RRP8: variants seen among roughly 807,000 people sequenced by gnomAD.
The protein encoded by RRP8 is ribosomal RNA-processing protein 8.
A neutral mutation model predicts 45.0 loss-of-function variants in RRP8; 48 were observed. The ratio of observed to expected loss-of-function variants is 1.07; its 90% CI spans 0.85 to 1.36. The LOEUF (loss-of-function observed/expected upper bound fraction) is 1.36. Ranked by LOEUF, RRP8 falls within the 40% of genes most tolerant of loss-of-function variation. The pLI is 0.00. For synonymous variants in RRP8, 274 were observed against 212.4 expected, an observed-to-expected ratio of 1.29 and a Z score of -2.52; for missense variants, 658 against 573.7, an observed-to-expected ratio of 1.15 and a Z score of -1.50.
rs1019557597 is a variant in RRP8 at position 6,596,653 on chromosome 11, T to G, written c.*3493A>C. 2.0e-5 allele frequency: 3 copies of G among 152,212 alleles called. No homozygotes were observed. The highest frequency in any genetic ancestry group is 4.4e-5 in the Non-Finnish European group (3 of 68,042). 9.4% of individuals were successfully genotyped at this position (152,212 alleles called of 1,614,324 possible). On this transcript the variant is annotated 3_prime_UTR_variant, in exon 7 of 7. Coordinates refer to ENST00000254605, the MANE Select transcript of RRP8 (RefSeq NM_015324.4). ...CAGAGAATTCACCTGGGAAGGAGGA[T>G]GACCAGGGGATGAAAGGTTCTAATT...
In RRP8 at chr11:6,601,862, A is replaced by G. The variant is rs1854386177; in HGVS notation, c.453T>C (p.Val151=). ...PINSAQHLDN[V]DQTGPKAWKG... ...CACATCCAATGGTACCTGTTTGGTC[A>G]ACATTGTCCAGGTGCTGGGCTGAAT... Residue 151 remains valine, a synonymous_variant, in exon 2 of 7, where the codon GTT becomes GTC. Coordinates refer to ENST00000254605, the MANE Select transcript of RRP8 (RefSeq NM_015324.4). 1.2e-6 allele frequency: 2 copies of G among 1,610,892 alleles called. No individual in the cohort carries two copies. The highest frequency in any genetic ancestry group is 1.7e-6 in the Non-Finnish European group (2 of 1,178,258).
chr11:6,600,937 C>T lies in RRP8; in HGVS notation c.1036G>A (p.Asp346Asn). The T allele has an allele frequency of 6.2e-7, 1 of 1,614,142 alleles. No homozygotes were observed. The highest frequency in any genetic ancestry group is 1.3e-5 in the African/African-American group (1 of 75,046). Residue 346 changes from aspartate to asparagine, a missense_variant, in exon 4 of 7, where the codon GAC (aspartate) becomes AAC (asparagine). By Grantham distance (23) the Asp-to-Asn change is conservative. Transcript: ENST00000254605. ...ASLDPRVTVC[D>N]MAQVPLEDES... is the part of the protein sequence containing the mutation. ...ACATAGGGGTTTACCTGGGCCATGT[C>T]ACACACAGTGACCCTAGGGTCCAGA...
chr11:6,601,174 G>A lies in RRP8; in HGVS notation c.892C>T (p.Arg298Cys), dbSNP rs557521273. ...VKKWPLQPVDRIARDLRQRPA... is the reference protein window; with the variant it reads ...VKKWPLQPVDCIARDLRQRPA... ...CGCTGGCGAAGATCCCTGGCGATGC[G>A]GTCCACTGGCTGCAGTGGCCACTTC... Residue 298 changes from arginine (R) to cysteine (C), a missense_variant, in exon 3 of 7, where the codon CGC becomes TGC. Coordinates refer to ENST00000254605, the MANE Select transcript of RRP8 (RefSeq NM_015324.4). 98 of 1,613,924 alleles carry A rather than the reference G, an allele frequency of 6.1e-5. No individual in the cohort carries two copies. The highest frequency in any genetic ancestry group is 3.3e-4 in the Middle Eastern group (2 of 6,062).
chr11:6,603,305 G>T lies in RRP8; in HGVS notation c.99+99C>A, dbSNP rs539446350. 6 of 830,112 alleles carry T rather than the reference G, an allele frequency of 7.2e-6. No individual in the cohort carries two copies. In the African/African-American group the frequency reaches 8.9e-5, roughly 12 times the overall value. The allele number at this position is 830,112 out of a possible 1,614,324, so 51.4% of individuals were successfully genotyped here. A position where few individuals can be genotyped will look rare whatever the true frequency, so the allele number is the denominator to read the frequency against. On this transcript the variant is annotated intron_variant, in intron 1 of 6. Coordinates refer to ENST00000254605, the MANE Select transcript of RRP8 (RefSeq NM_015324.4). The stretch of plus-strand genomic sequence containing the variant: ...CAGATCAGGACTCGCCCTTAACGGT[G>T]CCACAGGTGTCCCTCCCCGCAATAC...
chr11:6,600,030 T>C lies in RRP8; in HGVS notation c.*116A>G. Reference sequence around the variant, plus strand: ...CTGAGCCAGAGGTTTTATCACACTTTGTCCTCAGGGTCCACCAGGAACCAG... The same window carrying C: ...CTGAGCCAGAGGTTTTATCACACTTCGTCCTCAGGGTCCACCAGGAACCAG... On this transcript the variant is annotated 3_prime_UTR_variant, in exon 7 of 7. Transcript: ENST00000254605. 1 of 635,010 alleles carries C rather than the reference T, an allele frequency of 1.6e-6. No individual in the cohort carries two copies. The highest frequency in any genetic ancestry group is 2.6e-6 in the Non-Finnish European group (1 of 379,256). The allele number at this position is 635,010 out of a possible 1,614,324, so 39.3% of individuals were successfully genotyped here.
At chr11:6,600,854 GGGAA>G in intron 4 of RRP8, 68 bp downstream of exon 4, 2 of 1,611,430 alleles carry the variant, frequency 1.2e-6, no homozygotes, top group South Asian at 2.2e-5. Flanking sequence ...GATGGGAAAG[GGGAA>G]GGAAGGGTTA....
In RRP8 at chr11:6,597,824, A is replaced by T. The variant is rs1263927533; in HGVS notation, c.*2322T>A. On this transcript the variant is annotated 3_prime_UTR_variant, in exon 7 of 7. Transcript: ENST00000254605. ...GAGAAGTGCTTGAACCAGCAGGCAG[A>T]GGTTTCAGTGACCTGAGATCACGCC... The T allele has an allele frequency of 6.6e-6, 1 of 150,384 alleles. No homozygotes were observed. Among genetic ancestry groups the T allele is most frequent in the African/African-American group, 2.4e-5 (1 of 40,970 alleles). 9.3% of individuals were successfully genotyped at this position (150,384 alleles called of 1,614,324 possible). A position where few individuals can be genotyped will look rare whatever the true frequency, so the allele number is the denominator to read the frequency against.
Position 6,603,598 on chromosome 11 carries a change from C to G in RRP8, c.-96G>C, listed in dbSNP as rs1471580693. On this transcript the variant is annotated 5_prime_UTR_variant, in exon 1 of 7. Coordinates refer to ENST00000254605, the MANE Select transcript of RRP8 (RefSeq NM_015324.4). ...AGCGCTCAGACCTGCCAGAACCGAC[C>G]CGGAAACCAAAGCGTGACAGCCAGG... 7 of 735,414 alleles carry G rather than the reference C, an allele frequency of 9.5e-6. No homozygotes were observed. The highest frequency in any genetic ancestry group is 1.5e-5 in the Non-Finnish European group (7 of 471,436). 45.6% of individuals were successfully genotyped at this position (735,414 alleles called of 1,614,324 possible).
rs1854213881 is a variant in RRP8 at position 6,595,555 on chromosome 11, TAGGA to T, written c.*4587_*4590del. The T allele has an allele frequency of 6.6e-6, 1 of 152,140 alleles. No individual in the cohort carries two copies. Among genetic ancestry groups the T allele is most frequent in the Non-Finnish European group, 1.5e-5 (1 of 68,040 alleles). The allele number at this position is 152,140 out of a possible 1,614,324, so 9.4% of individuals were successfully genotyped here. A position where few individuals can be genotyped will look rare whatever the true frequency, so the allele number is the denominator to read the frequency against. Reference sequence around the variant, plus strand: ...TATATGACAAAAAAAAACATCTGTTTAGGACATTCTTTAGTGGGATTTGTTTTTC... The same window carrying T: ...TATATGACAAAAAAAAACATCTGTTTCATTCTTTAGTGGGATTTGTTTTTC... On this transcript the variant is annotated 3_prime_UTR_variant, in exon 7 of 7. Transcript: ENST00000254605.
chr11:6,601,449 T>C lies in RRP8; in HGVS notation c.617A>G (p.Gln206Arg). Residue 206 changes from glutamine to arginine, a missense_variant, in exon 3 of 7, where the codon CAG (glutamine) becomes CGG (arginine). Physicochemically the swap from Gln to Arg is conservative, Grantham distance 43 (BLOSUM62 1). Coordinates refer to ENST00000254605, the MANE Select transcript of RRP8 (RefSeq NM_015324.4). The stretch of plus-strand genomic sequence containing the variant: ...CTCAGCTGGGGCCTGGTCTGGCACC[T>C]GAGGTGGCTGAAACTTGTTCTTACA... The part of the protein sequence containing the change: ...RRCKNKFQPP[Q>R]VPDQAPAEAP... The C allele has an allele frequency of 6.2e-7, 1 of 1,614,146 alleles. No homozygotes were observed. Among genetic ancestry groups the C allele is most frequent in the South Asian group, 1.1e-5 (1 of 91,088 alleles).
chr11:6,602,488 C>G (rs1854437249), intron 1 of RRP8, among the ~76,000 whole-genome samples: 1 of 152,132 alleles, frequency 6.6e-6, no homozygotes. Context: ...GCAACAAGAC[C>G]AAGGCCAGAG....
rs1209395459 is a variant in RRP8, at chr11:6,601,362, G to T, written c.704C>A (p.Ala235Glu). The change falls in exon 3 of 7, where the codon GCA becomes GAA. Residue 235 changes from alanine to glutamate, a missense_variant. By Grantham distance (107) the Ala-to-Glu change is moderately radical. Coordinates refer to ENST00000254605, the MANE Select transcript of RRP8 (RefSeq NM_015324.4). The stretch of plus-strand genomic sequence containing the variant: ...TGCCATGCGGGCTCGCAAAGCCCCT[G>T]CCCGAGCCTCATGGCTGTCTGTCCT... ...VPRTDSHEAR[A>E]GALRARMAQR... 6.2e-6 allele frequency: 10 copies of T among 1,613,996 alleles called. No homozygotes were observed. Among genetic ancestry groups the T allele is most frequent in the African/African-American group, 1.3e-5 (1 of 74,934 alleles).
Position 6,600,786 on chromosome 11 carries a change from T to C in RRP8, c.1048-11A>G. The C allele has an allele frequency of 6.2e-7, 1 of 1,611,234 alleles. No individual in the cohort carries two copies. The highest frequency in any genetic ancestry group is 8.5e-7 in the Non-Finnish European group (1 of 1,178,512). On this transcript the variant is annotated splice_polypyrimidine_tract_variant and intron_variant, in intron 4 of 6. Transcript: ENST00000254605. ...ATCCTCCAGAGGAACCTGTGGAGAG[T>C]GAGAGTGTTGTATAAGGCACACAGT...
intron 1 of RRP8, 100 bp from the exon 2 acceptor site, chr11:6,602,315 A>G (rs1447340577): frequency 3.7e-6 from 5 of 1,354,934 alleles, no homozygotes; most frequent in Non-Finnish European, 4.9e-6. Context: ...TGGCAGAAGC[A>G]TCTGAATTCT....
chr11:6,599,549 G>A lies in RRP8; in HGVS notation c.*597C>T, dbSNP rs981719279. ...TATATGGTTCCAAAAATGGAGATGAGGGGAGAGGGGAAAGATAAACCACTA... is the reference window on the plus strand; with the variant it reads ...TATATGGTTCCAAAAATGGAGATGAAGGGAGAGGGGAAAGATAAACCACTA... On this transcript the variant is annotated 3_prime_UTR_variant, in exon 7 of 7. Transcript: ENST00000254605. 3 of 152,300 alleles carry A rather than the reference G, an allele frequency of 2.0e-5. No homozygotes were observed. The highest frequency in any genetic ancestry group is 7.2e-5 in the African/African-American group (3 of 41,452). The allele number at this position is 152,300 out of a possible 1,614,324, so 9.4% of individuals were successfully genotyped here.
At position 6,600,682 on chromosome 11, in the gene RRP8, C is replaced by A; in HGVS notation, c.1141G>T (p.Val381Leu). 1 of 1,614,036 alleles carries A rather than the reference C, an allele frequency of 6.2e-7. No homozygotes were observed. Among genetic ancestry groups the A allele is most frequent in the Non-Finnish European group, 8.5e-7 (1 of 1,179,922 alleles). The change falls in exon 5 of 7, where the codon GTA (valine) becomes TTA (leucine). Residue 381 changes from valine to leucine, a missense_variant. Transcript: ENST00000254605. Reference protein sequence around the residue: ...IRDFLEEANRVLKPGGLLKVA... With the variant: ...IRDFLEEANRLLKPGGLLKVA... ...GGGGGCTCTTACCCTGGCTTCAGTA[C>A]TCTATTTGCCTCCTCTAGGAAGTCC...
At position 6,601,549 on chromosome 11, in the gene RRP8, C is replaced by T; in HGVS notation, c.517G>A (p.Gly173Arg). ...TGAGGGGGTTTAGGGGAAGTGGACCCAGGGCTTTGCTTTGGTGGATCATTT... is the reference window on the plus strand; with the variant it reads ...TGAGGGGGTTTAGGGGAAGTGGACCTAGGGCTTTGCTTTGGTGGATCATTT... The part of the protein sequence containing the change: ...TTNDPPKQSP[G>R]STSPKPPHTL... Residue 173 changes from glycine to arginine, a missense_variant, in exon 3 of 7, where the codon GGG (glycine) becomes AGG (arginine). Physicochemically the swap from Gly to Arg is moderately radical, Grantham distance 125 (BLOSUM62 -2). Coordinates refer to ENST00000254605, the MANE Select transcript of RRP8 (RefSeq NM_015324.4). The T allele has an allele frequency of 6.2e-7, 1 of 1,606,718 alleles. No homozygotes were observed. Among genetic ancestry groups the T allele is most frequent in the Non-Finnish European group, 8.5e-7 (1 of 1,179,976 alleles).
chr11:6,600,591 G>A lies in RRP8; in HGVS notation c.1155-9C>T, dbSNP rs948932600. 6.2e-7 allele frequency: 1 copy of A among 1,613,892 alleles called. No individual in the cohort carries two copies. Among genetic ancestry groups the A allele is most frequent in the Admixed American group, 1.7e-5 (1 of 60,026 alleles). ...CCACTTTCAGGAGACCCCTGAGAAAGACAGAAAGTTCTGTGTAAGTGCACA... is the reference window on the plus strand; with the variant it reads ...CCACTTTCAGGAGACCCCTGAGAAAAACAGAAAGTTCTGTGTAAGTGCACA... On this transcript the variant is annotated splice_polypyrimidine_tract_variant and intron_variant, in intron 5 of 6. Transcript: ENST00000254605.
In RRP8 at chr11:6,603,557, C is replaced by T. The variant is rs1589919946; in HGVS notation, c.-55G>A. 3 of 1,214,278 alleles carry T rather than the reference C, an allele frequency of 2.5e-6. No individual in the cohort carries two copies. Among genetic ancestry groups the T allele is most frequent in the Non-Finnish European group, 3.5e-6 (3 of 869,212 alleles). The allele number at this position is 1,214,278 out of a possible 1,614,324, so 75.2% of individuals were successfully genotyped here. ...CCCGCTCTTCTCCACGTGCACAGCG[C>T]TCCTCTGGAAGTCGGAGCGCTCAGA... On this transcript the variant is annotated 5_prime_UTR_variant, in exon 1 of 7. Transcript: ENST00000254605.
Sources: gnomAD v4.1 joint callset for allele counts (sites outside exome capture counted in the v4.1 genomes callset) on GRCh38, gnomAD v4.1.1 for gene constraint, MANE v1.5 for transcripts, NCBI Gene and HGNC (gene_info 2026-07-23, HGNC 2026-07-21) for gene names.